Variants in BTN2A2 observed in about 807,000 individuals in gnomAD.
The protein encoded by BTN2A2 is butyrophilin 2.
A neutral mutation model predicts 34.7 loss-of-function variants in BTN2A2; 29 were observed. The ratio of observed to expected loss-of-function variants is 0.84; its 90% CI spans 0.62 to 1.14. The LOEUF (loss-of-function observed/expected upper bound fraction) is 1.14. BTN2A2 is among the 50% of genes most tolerant of loss of function. BTN2A2 has a pLI of 0.00. For synonymous variants in BTN2A2, 240 were observed against 253.1 expected, an observed-to-expected ratio of 0.95 and a Z score of 0.49; for missense variants, 612 against 651.5, an observed-to-expected ratio of 0.94 and a Z score of 0.66.
chr6:26,385,432 T>G, intron 3 of BTN2A2, 70 bp downstream of exon 3: 1 of 1,428,450 alleles, frequency 7.0e-7, no homozygotes, highest in Non-Finnish European at 9.5e-7. Context: ...TCCCTTAACC[T>G]CAGGCCCATT....
Position 26,390,225 on chromosome 6 carries a change from A to G in BTN2A2, c.931+14A>G. On this transcript the variant is annotated intron_variant, in intron 5 of 7. Coordinates refer to ENST00000356709, the MANE Select transcript of BTN2A2 (RefSeq NM_006995.5). ...AAGAAATTGCACGTAAGGAATTTGT[A>G]AAGAAAGTGTGGAAAAATAGAAAGA... 6.2e-7 allele frequency: 1 copy of G among 1,609,996 alleles called. No homozygotes were observed. The highest frequency in any genetic ancestry group is 8.5e-7 in the Non-Finnish European group (1 of 1,177,720).
chr6:26,392,512 G>A lies in BTN2A2; in HGVS notation c.1117G>A (p.Gly373Arg). ...ATTCGACAGTCAGCCTTGTGTCCTG[G>A]GATGGGAGAGCTTCGCCTCAGGGAA... ...ERFDSQPCVL[G>R]WESFASGKHY... Residue 373 changes from glycine to arginine, a missense_variant, in exon 8 of 8, where the codon GGA becomes AGA. Gly to Arg is a moderately radical substitution (Grantham distance 125). Coordinates refer to ENST00000356709, the MANE Select transcript of BTN2A2 (RefSeq NM_006995.5). 7 of 1,614,252 alleles carry A rather than the reference G, an allele frequency of 4.3e-6. No individual in the cohort carries two copies. The highest frequency in any genetic ancestry group is 5.9e-6 in the Non-Finnish European group (7 of 1,180,052).
chr6:26,394,658 C>T lies in BTN2A2; in HGVS notation c.*1691C>T. 1 of 289,420 alleles carries T rather than the reference C, an allele frequency of 3.5e-6. No individual in the cohort carries two copies. Among genetic ancestry groups the T allele is most frequent in the East Asian group, 6.2e-5 (1 of 16,078 alleles). 17.9% of individuals were successfully genotyped at this position (289,420 alleles called of 1,614,324 possible). A position where few individuals can be genotyped will look rare whatever the true frequency, so the allele number is the denominator to read the frequency against. On this transcript the variant is annotated 3_prime_UTR_variant, in exon 8 of 8. Transcript: ENST00000356709. ...TTCAGACTTAAACTGAGCCATGCTACCAGCATCCCAGGGTCTCCAGCCTAC... is the reference window on the plus strand; with the variant it reads ...TTCAGACTTAAACTGAGCCATGCTATCAGCATCCCAGGGTCTCCAGCCTAC...
chr6:26,388,363 G>GC, intron 4 of BTN2A2, 69 bp downstream of exon 4: 1 of 1,565,244 alleles, frequency 6.4e-7, no homozygotes, highest in Non-Finnish European at 8.7e-7. Context: ...GGAGCCCAGA[G>GC]CGGGAATGGG....
At position 26,392,918 on chromosome 6, in the gene BTN2A2, C is replaced by G. The variant is rs779482670; in HGVS notation, c.1523C>G (p.Pro508Arg). The G allele has an allele frequency of 5.0e-6, 8 of 1,614,188 alleles. No homozygotes were observed. Among genetic ancestry groups the G allele is most frequent in the Admixed American group, 1.7e-5 (1 of 60,028 alleles). ...ALTGASGVMV[P>R]EEGLKLHRVG... is the part of the protein sequence containing the mutation. ...ACAGGAGCCAGTGGGGTCATGGTGC[C>G]TGAAGAGGGCCTGAAACTTCACAGA... Residue 508 changes from proline (P) to arginine (R), a missense_variant, in exon 8 of 8, where the codon CCT becomes CGT. Transcript: ENST00000356709.
Position 26,392,711 on chromosome 6 carries a change from T to A in BTN2A2, c.1316T>A (p.Leu439Ter). 6.2e-7 allele frequency: 1 copy of A among 1,614,232 alleles called. No individual in the cohort carries two copies. The highest frequency in any genetic ancestry group is 8.5e-7 in the Non-Finnish European group (1 of 1,180,026). ...ALSSPERILP[L>*]KESLCRVGVF... ...TCCTCCCCTGAGAGGATTCTCCCTT[T>A]GAAGGAGTCCCTTTGCCGGGTGGGC... is the stretch of plus-strand genomic sequence containing the variant. The change falls in exon 8 of 8, where the codon TTG becomes TAG. Residue 439 changes from leucine to a stop codon, truncating the protein, a stop_gained. Coordinates refer to ENST00000356709, the MANE Select transcript of BTN2A2 (RefSeq NM_006995.5). LOFTEE classifies it low-confidence loss of function (END_TRUNC).
intron 3 of BTN2A2, 114 bp from the exon 4 acceptor site, chr6:26,387,899 A>G: frequency 9.2e-7 from 1 of 1,084,640 alleles, no homozygotes; most frequent in Non-Finnish European, 1.3e-6. Context: ...TATTTTGCAT[A>G]TTGGTTTCCT....
In BTN2A2 at chr6:26,383,697, C is replaced by G. The variant is rs918728600; in HGVS notation, c.-30-95C>G. 3 of 917,652 alleles carry G rather than the reference C, an allele frequency of 3.3e-6. No homozygotes were observed. In the African/African-American group the frequency reaches 5.0e-5, roughly 15 times the overall value. The allele number at this position is 917,652 out of a possible 1,614,324, so 56.8% of individuals were successfully genotyped here. ...CAAGCGACTCCCAGAAGTTGGGGCA[C>G]CGATGAGACCTACTTGAGTGACAGG... On this transcript the variant is annotated intron_variant, in intron 1 of 7. Transcript: ENST00000356709. This position sits in a 1 kb window ranked among gnomAD's most constrained non-coding sequence, Gnocchi z 4.4.
At chr6:26,390,650 T>C (rs1381077678) in intron 5 of BTN2A2, 37 bp from the exon 6 acceptor site, 1 of 1,614,030 alleles carries the variant, frequency 6.2e-7, no homozygotes, top group Non-Finnish European at 8.5e-7. Context: ...AGTTCTTCTG[T>C]TGAAGACATG....
intron 4 of BTN2A2, among the ~76,000 whole-genome samples, chr6:26,388,638 G>C (rs1761365657): frequency 6.6e-6 from 1 of 152,192 alleles, no homozygotes; most frequent in African/African-American, 2.4e-5. Context: ...GTATGTTGCA[G>C]CCATCCCTTC....
chr6:26,391,061 G>C, intron 7 of BTN2A2: 1 of 618,484 alleles, frequency 1.6e-6, no homozygotes, highest in Non-Finnish European at 2.8e-6. Context: ...TTCTCTTTTG[G>C]AATAATTTAA....
chr6:26,393,857 T>C lies in BTN2A2; in HGVS notation c.*890T>C. The C allele has an allele frequency of 1.4e-6, 1 of 706,870 alleles. No homozygotes were observed. The highest frequency in any genetic ancestry group is 1.7e-6 in the Non-Finnish European group (1 of 575,500). 43.8% of individuals were successfully genotyped at this position (706,870 alleles called of 1,614,324 possible). A position where few individuals can be genotyped will look rare whatever the true frequency, so the allele number is the denominator to read the frequency against. On this transcript the variant is annotated 3_prime_UTR_variant, in exon 8 of 8. Transcript: ENST00000356709. ...GGGTTAATATTTATGACATTTGACA[T>C]TGAAACAAAAATTTAAAATGTTATC...
chr6:26,388,983 G>A (rs893697298), intron 4 of BTN2A2, among the ~76,000 whole-genome samples: 10 of 152,082 alleles, frequency 6.6e-5, no homozygotes, highest in South Asian at 2.1e-4. Context: ...AGCCGAGTGC[G>A]GTAGCAGGCG....
intron 3 of BTN2A2, 183 bp downstream of exon 3, chr6:26,385,545 T>C (rs1379364125): frequency 1.0e-5 from 6 of 598,330 alleles, no homozygotes; most frequent in Non-Finnish European, 1.4e-5. Context: ...AGCTATAGGT[T>C]TCACTTCTTT....
At position 26,383,662 on chromosome 6, in the gene BTN2A2, C is replaced by A. The variant is rs1412056871; in HGVS notation, c.-30-130C>A. The A allele has an allele frequency of 5.7e-6, 4 of 707,824 alleles. No individual in the cohort carries two copies. Among genetic ancestry groups the A allele is most frequent in the Non-Finnish European group, 1.0e-5 (4 of 397,784 alleles). The allele number at this position is 707,824 out of a possible 1,614,324, so 43.8% of individuals were successfully genotyped here. On this transcript the variant is annotated intron_variant, in intron 1 of 7. Coordinates refer to ENST00000356709, the MANE Select transcript of BTN2A2 (RefSeq NM_006995.5). The surrounding 1 kb of genome is among the most constrained non-coding windows in gnomAD (Gnocchi z 4.4). Reference sequence around the variant, plus strand: ...AATCCCTCTTTCGGAGATACCTGAGCCTTGAGATGCAAGCGACTCCCAGAA... The same window carrying A: ...AATCCCTCTTTCGGAGATACCTGAGACTTGAGATGCAAGCGACTCCCAGAA...
At position 26,389,596 on chromosome 6, in the gene BTN2A2, G is replaced by A. The variant is rs1761439691; in HGVS notation, c.725-409G>A. Among the ~76,000 whole-genome samples the A allele has an allele frequency of 1.3e-5, 2 of 152,220 alleles. 1 individual carries two copies. Among genetic ancestry groups the A allele is most frequent in the Non-Finnish European group, 2.9e-5 (2 of 68,038 alleles). ...AGTGAGTGAGTGGGAAGCATTGGAA[G>A]GTTTTGAGCAAATAATTAACATGAT... is the stretch of plus-strand genomic sequence containing the variant. On this transcript the variant is annotated intron_variant, in intron 4 of 7. Transcript: ENST00000356709.
chr6:26,384,879 C>G lies in BTN2A2; in HGVS notation c.95-136C>G. The G allele has an allele frequency of 1.0e-6, 1 of 958,086 alleles. No individual in the cohort carries two copies. The highest frequency in any genetic ancestry group is 1.5e-6 in the Non-Finnish European group (1 of 656,642). 59.3% of individuals were successfully genotyped at this position (958,086 alleles called of 1,614,324 possible). ...CCAGAAGGGTTCTCAGCCCAAGAACCCCTGTAGCCTTGGAATATCTGCTTC... is the reference window on the plus strand; with the variant it reads ...CCAGAAGGGTTCTCAGCCCAAGAACGCCTGTAGCCTTGGAATATCTGCTTC... On this transcript the variant is annotated intron_variant, in intron 2 of 7. Transcript: ENST00000356709. The surrounding 1 kb of genome is among the most constrained non-coding windows in gnomAD (Gnocchi z 4.0).
chr6:26,391,212 T>C (rs903171862), intron 7 of BTN2A2: 1 of 330,160 alleles, frequency 3.0e-6, no homozygotes, highest in Non-Finnish European at 5.7e-6. Context: ...GTATAGACTG[T>C]GCACAGTTGA....
chr6:26,389,393 G>A (rs1336203695), intron 4 of BTN2A2, among the ~76,000 whole-genome samples: 1 of 152,166 alleles, frequency 6.6e-6, no homozygotes, highest in African/African-American at 2.4e-5. Context: ...GGTACAGGAA[G>A]AGCATATGCA....
Sources: gnomAD v4.1 joint callset for allele counts (sites outside exome capture counted in the v4.1 genomes callset) on GRCh38, gnomAD v4.1.1 for gene constraint, Gnocchi (gnomAD v3.1) non-coding constraint, MANE v1.5 for transcripts, NCBI Gene and HGNC (gene_info 2026-07-23, HGNC 2026-07-21) for gene names.